Variants in ESS2 observed in about 807,000 individuals in gnomAD.
ESS2 encodes ess-2 spliceosome associated protein, also known as splicing factor ESS-2 homolog.
ESS2 carries 31 observed loss-of-function variants against 52.0 expected under a neutral mutation model. The ratio of observed to expected loss-of-function variants is 0.60; its 90% CI spans 0.45 to 0.81. The LOEUF is 0.81. Ranked by LOEUF, ESS2 falls within the 30% of genes least tolerant of loss-of-function variation. The pLI is 0.00. For missense variants in ESS2, 602 were observed against 637.2 expected, an observed-to-expected ratio of 0.94 and a Z score of 0.59; for synonymous variants, 285 against 259.2, an observed-to-expected ratio of 1.10 and a Z score of -0.95.
chr22:19,143,771 G>A (rs1265970771), intron 1 of ESS2, among the ~76,000 whole-genome samples: 2 of 152,182 alleles, frequency 1.3e-5, no homozygotes, highest in Non-Finnish European at 2.9e-5. Flanking sequence ...CAGGAGAATG[G>A]CTTGAACCCA....
At position 19,139,245 on chromosome 22, in the gene ESS2, G is replaced by A. The variant is rs1433916302; in HGVS notation, c.736C>T (p.His246Tyr). 3.1e-6 allele frequency: 5 copies of A among 1,608,118 alleles called. No individual in the cohort carries two copies. The highest frequency in any genetic ancestry group is 4.2e-6 in the Non-Finnish European group (5 of 1,177,138). The change falls in exon 6 of 10, where the codon CAT (histidine) becomes TAT (tyrosine). Residue 246 changes from histidine to tyrosine, a missense_variant. His to Tyr is a moderately conservative substitution (Grantham distance 83). Coordinates refer to ENST00000252137, the MANE Select transcript of ESS2 (RefSeq NM_022719.3). ...TCCCTAAGGAAGCGCGTGTTCTTAT[G>A]TACCACCTGCCGGGGCTTCTTAAAC... ...QLFKKPRQVV[H>Y]KNTRFLRDPF...
intron 3 of ESS2, among the ~76,000 whole-genome samples, chr22:19,140,351 C>T (rs2146103094): frequency 6.6e-6 from 1 of 152,312 alleles, no homozygotes; most frequent in African/African-American, 2.4e-5. Flanking sequence ...TGATCACAGG[C>T]AGGCTCCTCC....
In ESS2 at chr22:19,131,726, T is replaced by C; in HGVS notation, c.*2470A>G. Reference sequence around the variant, plus strand: ...TCATCAAGTGCCAGGGAGCCCTGCATGAGGACGTGGCACGCAAGATGTTCC... The same window carrying C: ...TCATCAAGTGCCAGGGAGCCCTGCACGAGGACGTGGCACGCAAGATGTTCC... On this transcript the variant is annotated 3_prime_UTR_variant, in exon 10 of 10. Transcript: ENST00000252137. This position sits in a 1 kb window ranked among gnomAD's most constrained non-coding sequence, Gnocchi z 5.7. The C allele has an allele frequency of 1.2e-6, 2 of 1,614,072 alleles. No homozygotes were observed. The highest frequency in any genetic ancestry group is 2.2e-5 in the East Asian group (1 of 44,882).
At chr22:19,137,657 G>T in intron 7 of ESS2, 2 of 869,362 alleles carry the variant, frequency 2.3e-6, no homozygotes, top group Non-Finnish European at 1.4e-6. Flanking sequence ...ACAGCCATGT[G>T]CTTAGCCTAC....
At chr22:19,138,957 C>T (rs1601355215) in intron 6 of ESS2, among the ~76,000 whole-genome samples, 1 of 152,208 alleles carries the variant, frequency 6.6e-6, no homozygotes, top group African/African-American at 2.4e-5. Context: ...CAGATCTGGA[C>T]CTACAGAACG....
At chr22:19,143,329 C>T (rs2083726736) in intron 1 of ESS2, among the ~76,000 whole-genome samples, 1 of 152,060 alleles carries the variant, frequency 6.6e-6, no homozygotes, top group African/African-American at 2.4e-5. Context: ...TCCCCAATGA[C>T]TGGGGCTGGA....
chr22:19,138,955 G>C (rs900356956), intron 6 of ESS2, among the ~76,000 whole-genome samples: 1 of 152,212 alleles, frequency 6.6e-6, no homozygotes, highest in Non-Finnish European at 1.5e-5. Flanking sequence ...CACAGATCTG[G>C]ACCTACAGAA....
At position 19,131,531 on chromosome 22, in the gene ESS2, C is replaced by A. The variant is rs879221219; in HGVS notation, c.*2665G>T. The A allele has an allele frequency of 1.9e-6, 3 of 1,614,216 alleles. No individual in the cohort carries two copies. In the Admixed American group the frequency reaches 5.0e-5, roughly 27 times the overall value. On this transcript the variant is annotated 3_prime_UTR_variant, in exon 10 of 10. Coordinates refer to ENST00000252137, the MANE Select transcript of ESS2 (RefSeq NM_022719.3). The surrounding 1 kb of genome is among the most constrained non-coding windows in gnomAD (Gnocchi z 5.7). Reference sequence around the variant, plus strand: ...TCAATGTGGCTGTCAAGATCATCGACCGCAAGAAAACACCTACTGACTTTG... The same window carrying A: ...TCAATGTGGCTGTCAAGATCATCGAACGCAAGAAAACACCTACTGACTTTG...
In ESS2 at chr22:19,139,257, G is replaced by A. The variant is rs754954476; in HGVS notation, c.724C>T (p.Arg242Trp). Residue 242 changes from arginine (R) to tryptophan (W), a missense_variant, in exon 6 of 10, where the codon CGG becomes TGG. Physicochemically the swap from Arg to Trp is moderately radical, Grantham distance 101 (BLOSUM62 -3). Transcript: ENST00000252137. ...CGCGTGTTCTTATGTACCACCTGCCGGGGCTTCTTAAACAGCTGCTCCTCG... is the reference window on the plus strand; with the variant it reads ...CGCGTGTTCTTATGTACCACCTGCCAGGGCTTCTTAAACAGCTGCTCCTCG... Reference protein sequence around the residue: ...PDEEQLFKKPRQVVHKNTRFL... With the variant: ...PDEEQLFKKPWQVVHKNTRFL... 30 of 1,605,570 alleles carry A rather than the reference G, an allele frequency of 1.9e-5. No homozygotes were observed. The highest frequency in any genetic ancestry group is 9.4e-5 in the African/African-American group (7 of 74,754).
At chr22:19,143,882 T>A (rs1332993245) in intron 1 of ESS2, among the ~76,000 whole-genome samples, 1 of 152,068 alleles carries the variant, frequency 6.6e-6, no homozygotes, top group Non-Finnish European at 1.5e-5. Context: ...AAAATAAACC[T>A]TTTTCCTGAG....
intron 1 of ESS2, among the ~76,000 whole-genome samples, chr22:19,143,741 A>T (rs2095903190): frequency 6.6e-6 from 1 of 152,216 alleles, no homozygotes; most frequent in Non-Finnish European, 1.5e-5. Flanking sequence ...CTGTAGTCAC[A>T]GCTACTCGGC....
chr22:19,138,864 G>C (rs2083632522), intron 6 of ESS2, among the ~76,000 whole-genome samples: 1 of 152,170 alleles, frequency 6.6e-6, no homozygotes. Context: ...TCCCTGCCCG[G>C]TGTGTGGGCG....
chr22:19,134,699 G>C (rs1195252752), intron 9 of ESS2, among the ~76,000 whole-genome samples: 1 of 152,100 alleles, frequency 6.6e-6, no homozygotes, highest in Non-Finnish European at 1.5e-5. Flanking sequence ...CCTTGGCTGT[G>C]GGGGCTGGGG....
In ESS2 at chr22:19,134,337, G is replaced by A; in HGVS notation, c.1290C>T (p.Thr430=). 6.2e-7 allele frequency: 1 copy of A among 1,611,712 alleles called. No homozygotes were observed. The highest frequency in any genetic ancestry group is 8.5e-7 in the Non-Finnish European group (1 of 1,179,030). Residue 430 remains threonine, a synonymous_variant, in exon 10 of 10, where the codon ACC becomes ACT. Transcript: ENST00000252137. ...TGGGGGTCTGCAGCCCACTGGCCGG[G>A]GTCTTGAGGTGGGTGGAGCGTGCTG... ...PSPARSTHLK[T]PASGLQTPTS... is the part of the protein sequence containing the mutation.
Position 19,138,335 on chromosome 22 carries a change from G to A in ESS2, c.823-18C>T, listed in dbSNP as rs2083621191. On this transcript the variant is annotated intron_variant, in intron 6 of 9. Transcript: ENST00000252137. The stretch of plus-strand genomic sequence containing the variant: ...TGTTTGTGCTGGAACAAGCAGAGAG[G>A]CTGGCATCAGGGGGACCGCAGCCCA... 1 of 1,611,564 alleles carries A rather than the reference G, an allele frequency of 6.2e-7. No individual in the cohort carries two copies. The highest frequency in any genetic ancestry group is 8.5e-7 in the Non-Finnish European group (1 of 1,178,176).
intron 5 of ESS2, 62 bp downstream of exon 5, chr22:19,139,550 C>G: frequency 6.6e-7 from 1 of 1,515,188 alleles, no homozygotes; most frequent in East Asian, 2.3e-5. Context: ...GCTCCAAACA[C>G]AGCCAGACAC....
intron 7 of ESS2, 144 bp downstream of exon 7, chr22:19,138,071 A>G (rs1296462727): frequency 1.7e-5 from 25 of 1,485,648 alleles, no homozygotes; most frequent in Non-Finnish European, 2.2e-5. Flanking sequence ...AGGGCCTTGT[A>G]CAGACAGGAG....
chr22:19,144,605 C>A lies in ESS2; in HGVS notation c.36G>T (p.Leu12Phe). The change falls in exon 1 of 10, where the codon TTG becomes TTT. Residue 12 changes from leucine (L) to phenylalanine (F), a missense_variant. Coordinates refer to ENST00000252137, the MANE Select transcript of ESS2 (RefSeq NM_022719.3). ...ETPGASASSL[L>F]LPAASRPPRK... is the part of the protein sequence containing the mutation. ...TCGGGGGCCTGGACGCGGCGGGAAG[C>A]AACAAGGACGACGCTGATGCGCCCG... 1 of 1,591,088 alleles carries A rather than the reference C, an allele frequency of 6.3e-7. No homozygotes were observed. Among genetic ancestry groups the A allele is most frequent in the South Asian group, 1.1e-5 (1 of 89,516 alleles).
Position 19,132,599 on chromosome 22 carries a change from T to C in ESS2, c.*1597A>G, listed in dbSNP as rs2083521918. ...AAGGCACAGGTGCAAGTAAAATTCG[T>C]CAATTAAACCACTATTTTGATTACG... On this transcript the variant is annotated 3_prime_UTR_variant, in exon 10 of 10. Coordinates refer to ENST00000252137, the MANE Select transcript of ESS2 (RefSeq NM_022719.3). This position sits in a 1 kb window ranked among gnomAD's most constrained non-coding sequence, Gnocchi z 4.2. 2.1e-6 allele frequency: 2 copies of C among 965,324 alleles called. No individual in the cohort carries two copies. The highest frequency in any genetic ancestry group is 3.2e-6 in the Non-Finnish European group (2 of 633,854). 59.8% of individuals were successfully genotyped at this position (965,324 alleles called of 1,614,324 possible).
Sources: gnomAD v4.1 joint callset for allele counts (sites outside exome capture counted in the v4.1 genomes callset) on GRCh38, gnomAD v4.1.1 for gene constraint, Gnocchi (gnomAD v3.1) non-coding constraint, MANE v1.5 for transcripts, NCBI Gene and HGNC (gene_info 2026-07-23, HGNC 2026-07-21) for gene names.